The following AATF variants were observed in gnomAD, a reference collection of about 807,000 sequenced individuals.
AATF encodes the protein apoptosis antagonizing transcription factor.
In AATF, 48 loss-of-function variants were observed where a neutral mutation model predicts 63.7. The ratio of observed to expected loss-of-function variants is 0.75; its 90% CI spans 0.60 to 0.96. The LOEUF is 0.96. AATF is among the 40% of genes least tolerant of loss of function. AATF has a pLI of 0.00. For synonymous variants in AATF, 258 were observed against 247.7 expected (o/e 1.04, Z -0.39); for missense variants, 639 against 685.7 (o/e 0.93, Z 0.76).
intron 8 of AATF, among the ~76,000 whole-genome samples, chr17:37,013,718 G>A (rs894488267): frequency 6.6e-6 from 1 of 152,132 alleles, no homozygotes; most frequent in Non-Finnish European, 1.5e-5. Flanking sequence ...ATGAGGTTTG[G>A]AGGGGACAAA....
At chr17:37,009,206 A>C (rs2071365068) in intron 8 of AATF, among the ~76,000 whole-genome samples, 1 of 151,836 alleles carries the variant, frequency 6.6e-6, no homozygotes, top group Non-Finnish European at 1.5e-5. Context: ...ATCTCGGCTC[A>C]CTGCAACCTC....
chr17:37,037,991 C>T (rs1428262711), intron 11 of AATF, among the ~76,000 whole-genome samples: 1 of 152,172 alleles, frequency 6.6e-6, no homozygotes, highest in African/African-American at 2.4e-5. Flanking sequence ...TGTAAGCTTC[C>T]AGAGGCCTCA....
chr17:37,028,203 G>A (rs1447908353), intron 10 of AATF, among the ~76,000 whole-genome samples: 1 of 151,918 alleles, frequency 6.6e-6, no homozygotes, highest in Non-Finnish European at 1.5e-5. Context: ...CTTGAATTTA[G>A]GAATTTGAGA....
chr17:37,015,300 GT>G (rs2071420874), intron 8 of AATF, among the ~76,000 whole-genome samples: 1 of 152,154 alleles, frequency 6.6e-6, no homozygotes, highest in South Asian at 2.1e-4. Flanking sequence ...CTATTTGTTT[GT>G]GCTGCTATAG....
At chr17:36,997,592 G>A (rs1370856336) in intron 8 of AATF, among the ~76,000 whole-genome samples, 2 of 152,214 alleles carry the variant, frequency 1.3e-5, no homozygotes, top group Non-Finnish European at 2.9e-5. Flanking sequence ...TGGTGTGGAT[G>A]TAGTGAACAG....
chr17:36,983,306 G>A (rs1408262001), intron 4 of AATF, among the ~76,000 whole-genome samples: 1 of 152,066 alleles, frequency 6.6e-6, no homozygotes, highest in Non-Finnish European at 1.5e-5. Context: ...GCCTCCCAGA[G>A]TGCTGTGATT....
At chr17:37,048,865 G>C (rs1225195609) in intron 11 of AATF, among the ~76,000 whole-genome samples, 3 of 152,184 alleles carry the variant, frequency 2.0e-5, no homozygotes, top group Non-Finnish European at 2.9e-5. Context: ...CTGATACCGA[G>C]TAGGATGAAT....
intron 4 of AATF, among the ~76,000 whole-genome samples, chr17:36,985,980 T>C (rs1177655955): frequency 6.6e-6 from 1 of 152,246 alleles, no homozygotes; most frequent in Non-Finnish European, 1.5e-5. Flanking sequence ...AAATTTTTAA[T>C]ATACAATTCA....
chr17:36,985,442 AT>A (rs557972342), intron 4 of AATF, among the ~76,000 whole-genome samples: 6,608 of 132,004 alleles, frequency 0.05, 345 homozygotes, highest in African/African-American at 0.15. Context: ...GCCTGGCTAA[AT>A]TTTTTTTTTT....
chr17:36,976,140 G>A (rs1047679065), intron 4 of AATF, among the ~76,000 whole-genome samples: 1 of 152,026 alleles, frequency 6.6e-6, no homozygotes, highest in South Asian at 2.1e-4. Context: ...GGGAAGTTTT[G>A]TCATTTTTTT....
chr17:36,975,169 T>A (rs2071070581), intron 4 of AATF, among the ~76,000 whole-genome samples: 1 of 152,178 alleles, frequency 6.6e-6, no homozygotes, highest in Admixed American at 6.5e-5. Flanking sequence ...AGATACTTTG[T>A]GTCAATATAA....
At chr17:36,958,651 A>T (rs1567964705) in intron 4 of AATF, among the ~76,000 whole-genome samples, 1 of 152,208 alleles carries the variant, frequency 6.6e-6, no homozygotes, top group Non-Finnish European at 1.5e-5. Flanking sequence ...ACATGCCTTC[A>T]CCAGCTTAAG....
Position 36,979,088 on chromosome 17 carries a change from T to C in AATF, c.833-7529T>C, listed in dbSNP as rs528270244. On this transcript the variant is annotated intron_variant, in intron 4 of 11. Transcript: ENST00000619387. ...CGGCAATTAATAAATTTGTGTCTTT[T>C]TTAAAACACTAGCAAGTCGGGCCTG... Among the ~76,000 whole-genome samples, 49 of 152,208 alleles carry C rather than the reference T, an allele frequency of 3.2e-4. No homozygotes were observed. In the Middle Eastern group the frequency reaches 0.01, roughly 32 times the overall value.
At chr17:36,953,691 C>T in intron 3 of AATF, 79 bp from the exon 4 acceptor site, 4 of 1,408,460 alleles carry the variant, frequency 2.8e-6, no homozygotes, top group Non-Finnish European at 3.9e-6. Context: ...GTGTGGTTTC[C>T]TGTTCTTCCC....
At chr17:36,953,326 T>C in intron 3 of AATF, 30 bp downstream of exon 3, 1 of 1,589,842 alleles carries the variant, frequency 6.3e-7, no homozygotes, top group African/African-American at 1.4e-5. Flanking sequence ...GATTGCCTGT[T>C]TTTCAAAGTA....
Position 36,949,170 on chromosome 17 carries a change from G to A in AATF, c.45G>A (p.Leu15=). Residue 15 remains leucine (L), a synonymous_variant, in exon 1 of 12, where the codon TTG becomes TTA. Transcript: ENST00000619387. ...QPLALQLEQL[L]NPRPSEADPE... The stretch of plus-strand genomic sequence containing the variant: ...TGGCGCTGCAACTGGAACAGTTGTT[G>A]AACCCGCGACCAAGCGAGGCGGACC... 1 of 1,592,936 alleles carries A rather than the reference G, an allele frequency of 6.3e-7. No homozygotes were observed. The highest frequency in any genetic ancestry group is 8.5e-7 in the Non-Finnish European group (1 of 1,171,466).
At chr17:37,014,302 A>AAAATAATAATG (rs966564237) in intron 8 of AATF, among the ~76,000 whole-genome samples, 1 of 148,460 alleles carries the variant, frequency 6.7e-6, no homozygotes, top group Admixed American at 6.7e-5. Flanking sequence ...TAATAATAAT[A>AAAATAATAATG]AGGCTGTATA....
At chr17:37,020,646 A>G (rs1180255072) in intron 9 of AATF, among the ~76,000 whole-genome samples, 1 of 152,178 alleles carries the variant, frequency 6.6e-6, no homozygotes, top group Non-Finnish European at 1.5e-5. Context: ...ACTAAATCTG[A>G]TGGGTTTGCC....
At chr17:37,043,408 A>C (rs1597739794) in intron 11 of AATF, among the ~76,000 whole-genome samples, 1 of 152,106 alleles carries the variant, frequency 6.6e-6, no homozygotes, top group South Asian at 2.1e-4. Flanking sequence ...TGAGGTCACC[A>C]GCCTTTCTAG....
Sources: gnomAD v4.1 joint callset for allele counts (sites outside exome capture counted in the v4.1 genomes callset) on GRCh38, gnomAD v4.1.1 for gene constraint, MANE v1.5 for transcripts, NCBI Gene and HGNC (gene_info 2026-07-23, HGNC 2026-07-21) for gene names.